CACNG5: variants seen among roughly 807,000 people sequenced by gnomAD.
The protein encoded by CACNG5 is voltage-dependent calcium channel gamma-5 subunit.
In CACNG5, 18 loss-of-function variants were observed where a neutral mutation model predicts 24.8. That is an observed-to-expected ratio of 0.73 (90% CI 0.50 to 1.08). The LOEUF (loss-of-function observed/expected upper bound fraction) is 1.08. CACNG5 is among the 50% of genes least tolerant of loss of function. The pLI, the probability that CACNG5 is intolerant of heterozygous loss-of-function variation, is 0.00. For synonymous variants in CACNG5, 157 were observed against 149.1 expected, an observed-to-expected ratio of 1.05 and a Z score of -0.39; for missense variants, 349 against 367.9, an observed-to-expected ratio of 0.95 and a Z score of 0.42.
intron 1 of CACNG5, among the ~76,000 whole-genome samples, chr17:66,836,700 C>G (rs1598040648): frequency 1.3e-5 from 2 of 152,330 alleles, no homozygotes; most frequent in East Asian, 3.9e-4. Flanking sequence ...CCTCCCCACC[C>G]CCAAACCTCC....
chr17:66,882,545 G>A (rs1424408909), intron 4 of CACNG5, among the ~76,000 whole-genome samples: 1 of 152,140 alleles, frequency 6.6e-6, no homozygotes, highest in Non-Finnish European at 1.5e-5. Context: ...GCAAATAAAG[G>A]TGGGCTCTTT....
chr17:66,857,203 G>T (rs768993916), intron 1 of CACNG5, among the ~76,000 whole-genome samples: 4 of 149,852 alleles, frequency 2.7e-5, no homozygotes, highest in Non-Finnish European at 5.9e-5. Flanking sequence ...GACTGCAAAT[G>T]CATGGGCTAT....
chr17:66,836,025 G>C (rs985058948), intron 1 of CACNG5, among the ~76,000 whole-genome samples: 1 of 152,170 alleles, frequency 6.6e-6, no homozygotes, highest in South Asian at 2.1e-4. Flanking sequence ...TCACTTCCTA[G>C]GACTGAAAAT....
intron 1 of CACNG5, among the ~76,000 whole-genome samples, chr17:66,857,531 G>GT (rs1263972426): frequency 6.6e-6 from 1 of 152,168 alleles, no homozygotes; most frequent in Non-Finnish European, 1.5e-5. Context: ...TGTGATCAAT[G>GT]TTTTTTAAAT....
rs1202204905 is a variant in CACNG5, at chr17:66,889,241, A to G, written c.*4001A>G. ...CTCCCAAAGTGCTGGGATTACAGGC[A>G]TGAGCCACTGTGCCCATCCTCTACC... On this transcript the variant is annotated 3_prime_UTR_variant, in exon 6 of 6. Coordinates refer to ENST00000533854, the MANE Select transcript of CACNG5 (RefSeq NM_145811.3). Among the ~76,000 whole-genome samples the G allele has an allele frequency of 6.6e-6, 1 of 152,204 alleles. No individual in the cohort carries two copies. Among genetic ancestry groups the G allele is most frequent in the Non-Finnish European group, 1.5e-5 (1 of 68,036 alleles).
intron 1 of CACNG5, among the ~76,000 whole-genome samples, chr17:66,862,368 C>A (rs1976874370): frequency 1.0e-5 from 1 of 95,244 alleles, no homozygotes; most frequent in South Asian, 3.7e-4. Context: ...CAGCTTGTGT[C>A]ACTTACAAGT....
intron 1 of CACNG5, among the ~76,000 whole-genome samples, chr17:66,850,857 T>C (rs1976703398): frequency 6.6e-6 from 1 of 152,110 alleles, no homozygotes; most frequent in African/African-American, 2.4e-5. Flanking sequence ...TTAAAATACA[T>C]CATTGACTTA....
chr17:66,847,562 C>T (rs1016061827), intron 1 of CACNG5, among the ~76,000 whole-genome samples: 16 of 41,860 alleles, frequency 3.8e-4, no homozygotes, highest in African/African-American at 1.7e-3. Flanking sequence ...CATGACTCAA[C>T]TACCTCCCCC....
chr17:66,860,350 A>C (rs79447759), intron 1 of CACNG5, among the ~76,000 whole-genome samples: 12,008 of 152,296 alleles, frequency 0.079, 593 homozygotes, highest in East Asian at 0.13. Context: ...CATCATAGTC[A>C]AAATGTCAAA....
chr17:66,851,792 C>G (rs1976712130), intron 1 of CACNG5, among the ~76,000 whole-genome samples: 1 of 152,178 alleles, frequency 6.6e-6, no homozygotes, highest in Admixed American at 6.5e-5. Flanking sequence ...AAGAGAATAT[C>G]ATGAAAGAGT....
chr17:66,861,174 GA>G (rs1976852322), intron 1 of CACNG5, among the ~76,000 whole-genome samples: 1 of 152,208 alleles, frequency 6.6e-6, no homozygotes, highest in South Asian at 2.1e-4. Flanking sequence ...CAGCACAAAG[GA>G]GTTGGGAGAA....
Position 66,892,227 on chromosome 17 carries a change from G to A in CACNG5, c.*6987G>A, listed in dbSNP as rs1977354941. ...GCACCAGCCCCACCTCCTCCGACAA[G>A]GCTGTGCCTGGGGCAAGACGCCAAA... On this transcript the variant is annotated 3_prime_UTR_variant, in exon 6 of 6. Coordinates refer to ENST00000533854, the MANE Select transcript of CACNG5 (RefSeq NM_145811.3). Among the ~76,000 whole-genome samples, 1 of 152,238 alleles carries A rather than the reference G, an allele frequency of 6.6e-6. No individual in the cohort carries two copies. Among genetic ancestry groups the A allele is most frequent in the Admixed American group, 6.5e-5 (1 of 15,286 alleles).
rs1420370983 is a variant in CACNG5 at position 66,880,661 on chromosome 17, C to G, written c.388C>G (p.Leu130Val). ...IGHIRPHRTI[L>V]AFVSGIFFIL... ...ACACATCCGTCCCCACCGGACGATA[C>G]TGGCCTTTGTCTCTGGCATCTTCTT... Residue 130 changes from leucine (L) to valine (V), a missense_variant, in exon 4 of 6, where the codon CTG becomes GTG. Transcript: ENST00000533854. 4.3e-6 allele frequency: 7 copies of G among 1,614,232 alleles called. No homozygotes were observed. The highest frequency in any genetic ancestry group is 2.5e-6 in the Non-Finnish European group (3 of 1,180,022).
chr17:66,870,258 G>T (rs566406889), intron 1 of CACNG5, among the ~76,000 whole-genome samples: 1 of 152,262 alleles, frequency 6.6e-6, no homozygotes, highest in South Asian at 2.1e-4. Context: ...TTATCCGAAG[G>T]CTCGACTGGG....
intron 2 of CACNG5, among the ~76,000 whole-genome samples, chr17:66,878,725 C>T (rs1355629591): frequency 6.6e-6 from 1 of 152,156 alleles, no homozygotes; most frequent in Non-Finnish European, 1.5e-5. Flanking sequence ...TTTCATGTGA[C>T]TCTTGGTGCT....
intron 1 of CACNG5, among the ~76,000 whole-genome samples, chr17:66,865,126 C>T (rs1976912153): frequency 6.6e-6 from 1 of 152,104 alleles, no homozygotes; most frequent in Non-Finnish European, 1.5e-5. Flanking sequence ...AGTTTATTTC[C>T]AATAGTTTAC....
intron 1 of CACNG5, among the ~76,000 whole-genome samples, chr17:66,872,603 G>C (rs1977024834): frequency 6.6e-6 from 1 of 152,170 alleles, no homozygotes; most frequent in Non-Finnish European, 1.5e-5. Context: ...AAAAGCACTG[G>C]GTCAGGATCT....
In CACNG5 at chr17:66,852,487, CATGGT is replaced by C. The variant is rs1976719593; in HGVS notation, c.-104+17238_-104+17242del. On this transcript the variant is annotated intron_variant, in intron 1 of 5. Coordinates refer to ENST00000533854, the MANE Select transcript of CACNG5 (RefSeq NM_145811.3). ...ATACCCACAAAAAGAAACAGGCCCA[CATGGT>C]TTTACTTGGCAAGTTTTACCAAACC... Among the ~76,000 whole-genome samples the C allele has an allele frequency of 2.0e-5, 3 of 152,216 alleles. No homozygotes were observed. In the South Asian group the frequency reaches 6.2e-4, roughly 32 times the overall value.
Position 66,845,399 on chromosome 17 carries a change from C to T in CACNG5, c.-104+10149C>T, listed in dbSNP as rs553684764. The stretch of plus-strand genomic sequence containing the variant: ...AGGTGTAGCAAACCACCATGGCACA[C>T]GTATACCTATGTAACAAACCTGCAC... On this transcript the variant is annotated intron_variant, in intron 1 of 5. Coordinates refer to ENST00000533854, the MANE Select transcript of CACNG5 (RefSeq NM_145811.3). Among the ~76,000 whole-genome samples, 27 of 151,452 alleles carry T rather than the reference C, an allele frequency of 1.8e-4. 1 individual carries two copies. The highest frequency in any genetic ancestry group is 6.1e-4 in the African/African-American group (25 of 41,108).
Sources: allele counts gnomAD v4.1 joint callset (sites outside exome capture counted in the v4.1 genomes callset), GRCh38; gene constraint gnomAD v4.1.1; transcripts MANE v1.5; gene names NCBI Gene and HGNC (gene_info 2026-07-23, HGNC 2026-07-21).